Variants in DGKQ observed in about 807,000 individuals in gnomAD.
The protein encoded by DGKQ is diacylglycerol kinase theta.
In DGKQ, 97 loss-of-function variants were observed where a neutral mutation model predicts 104.2. The observed-to-expected ratio is 0.93, with a 90% confidence interval of 0.79 to 1.10. The LOEUF is 1.10. DGKQ is among the 50% of genes least tolerant of loss of function. The pLI is 0.00. For missense variants in DGKQ, 1,465 were observed against 1,352.1 expected (o/e 1.08, Z -1.31); for synonymous variants, 736 against 595.2 (o/e 1.24, Z -3.44).
At chr4:967,454 G>A in intron 8 of DGKQ, 93 bp from the exon 9 acceptor site, 2 of 1,440,930 alleles carry the variant, frequency 1.4e-6, no homozygotes, top group Non-Finnish European at 1.9e-6. Flanking sequence ...AGGTGGGTGA[G>A]GGGCGCCAGG....
Position 967,038 on chromosome 4 carries a change from C to G in DGKQ, c.1237G>C (p.Val413Leu). The change falls in exon 10 of 23, where the codon GTG (valine) becomes CTG (leucine). Residue 413 changes from valine to leucine, a missense_variant. By Grantham distance (32) the Val-to-Leu change is conservative. Transcript: ENST00000273814. ...PGWLKVGVAY[V>L]SVRVTPKSTA... ...CTCTTCGGGGTCACTCGCACGGACA[C>G]GTAGGCCACGCCCACCCTGTGGGGA... 1 of 1,559,366 alleles carries G rather than the reference C, an allele frequency of 6.4e-7. No homozygotes were observed. Among genetic ancestry groups the G allele is most frequent in the Non-Finnish European group, 8.7e-7 (1 of 1,153,022 alleles).
At position 973,384 on chromosome 4, in the gene DGKQ, G is replaced by A. The variant is rs1713097383; in HGVS notation, c.99C>T (p.Gly33=). The change falls in exon 1 of 23, where the codon GGC becomes GGT. Residue 33 remains glycine, a synonymous_variant. Transcript: ENST00000273814. ...PACSPVLGSG[G]RARPGPGPGP... ...CCGGCCCCGGCCCCGGGCGCGCGCG[G>A]CCTCCTGAGCCCAGCACGGGGCTGC... is the stretch of plus-strand genomic sequence containing the variant. 2.7e-6 allele frequency: 3 copies of A among 1,100,336 alleles called. No individual in the cohort carries two copies. The highest frequency in any genetic ancestry group is 3.3e-6 in the Non-Finnish European group (3 of 907,984). The allele number at this position is 1,100,336 out of a possible 1,614,324, so 68.2% of individuals were successfully genotyped here.
At position 971,061 on chromosome 4, in the gene DGKQ, T is replaced by A; in HGVS notation, c.283A>T (p.Met95Leu). The A allele has an allele frequency of 6.4e-7, 1 of 1,557,446 alleles. No individual in the cohort carries two copies. Among genetic ancestry groups the A allele is most frequent in the Non-Finnish European group, 8.7e-7 (1 of 1,149,984 alleles). The change falls in exon 2 of 23, where the codon ATG becomes TTG. Residue 95 changes from methionine (M) to leucine (L), a missense_variant. Coordinates refer to ENST00000273814, the MANE Select transcript of DGKQ (RefSeq NM_001347.4). This position sits in a 1 kb window ranked among gnomAD's most constrained non-coding sequence, Gnocchi z 4.0. ...TGCTTCAGGCACTTCTCATGAGACA[T>A]GAAATTGCAGACTGTGGGAATGAGC... ...AGFLCDVCNF[M>L]SHEKCLKHVR...
At chr4:969,612 CTTT>C (rs35245784) in intron 2 of DGKQ, among the ~76,000 whole-genome samples, 6 of 143,270 alleles carry the variant, frequency 4.2e-5, no homozygotes, top group East Asian at 2.1e-4. Flanking sequence ...AATATATCTC[CTTT>C]TTTTTTTTTT....
chr4:962,413 C>A lies in DGKQ; in HGVS notation c.2214+22G>T, dbSNP rs1384614898. The stretch of plus-strand genomic sequence containing the variant: ...TCATATGCAGGAGCCTGGAAGGCAC[C>A]CCACGCCGGGCTGCCCTGTACCTTG... On this transcript the variant is annotated intron_variant, in intron 18 of 22. Coordinates refer to ENST00000273814, the MANE Select transcript of DGKQ (RefSeq NM_001347.4). 3.3e-6 allele frequency: 5 copies of A among 1,536,500 alleles called. No individual in the cohort carries two copies. In the African/African-American group the frequency reaches 5.5e-5, roughly 17 times the overall value.
chr4:972,993 T>A (rs1407993595), intron 1 of DGKQ, among the ~76,000 whole-genome samples: 1 of 152,116 alleles, frequency 6.6e-6, no homozygotes, highest in East Asian at 1.9e-4. Context: ...CGCGGCACTA[T>A]GGAGATGCTG....
At chr4:961,917 G>T in intron 19 of DGKQ, 65 bp downstream of exon 19, 1 of 1,608,806 alleles carries the variant, frequency 6.2e-7, no homozygotes, top group African/African-American at 1.3e-5. Flanking sequence ...CCCTCTGCCT[G>T]TTCCTGCTGG....
chr4:968,500 G>T lies in DGKQ; in HGVS notation c.516C>A (p.His172Gln). 2 of 1,608,432 alleles carry T rather than the reference G, an allele frequency of 1.2e-6. No individual in the cohort carries two copies. The highest frequency in any genetic ancestry group is 1.7e-6 in the Non-Finnish European group (2 of 1,178,002). Residue 172 changes from histidine (H) to glutamine (Q), a missense_variant, in exon 4 of 23, where the codon CAC becomes CAA. Physicochemically the swap from His to Gln is conservative, Grantham distance 24. Transcript: ENST00000273814. ...TCACGTGATCCTGGTGCCCATCCTG[G>T]TGGCACTGGCGGCAGTCACTGCAGG... The part of the protein sequence containing the change: ...PFACSDCRQC[H>Q]QDGHQDHDTH...
intron 2 of DGKQ, among the ~76,000 whole-genome samples, chr4:969,303 G>A (rs1008379641): frequency 2.6e-5 from 4 of 152,236 alleles, no homozygotes; most frequent in East Asian, 1.9e-4. Flanking sequence ...TGGGGCAGGC[G>A]AGGCTCTGTC....
rs1387377915 is a variant in DGKQ at position 967,358 on chromosome 4, C to T, written c.991G>A (p.Ala331Thr). ...RLAGAEEVLE[A>T]ALRAHHIPED... ...GGGATGTGGTGGGCCCGCAGTGCGG[C>T]CTCCTGCAGGGCACCAGGTTAGAGG... The change falls in exon 9 of 23, where the codon GCC (alanine) becomes ACC (threonine). Residue 331 changes from alanine (A) to threonine (T), a missense_variant. Physicochemically the swap from Ala to Thr is moderately conservative, Grantham distance 58. Transcript: ENST00000273814. 4 of 1,533,640 alleles carry T rather than the reference C, an allele frequency of 2.6e-6. No individual in the cohort carries two copies. In the Admixed American group the frequency reaches 7.9e-5, roughly 30 times the overall value.
chr4:966,749 G>T lies in DGKQ; in HGVS notation c.1365C>A (p.His455Gln). Residue 455 changes from histidine to glutamine, a missense_variant and splice_region_variant, in exon 11 of 23, where the codon CAC (histidine) becomes CAA (glutamine). His to Gln is a conservative substitution (Grantham distance 24). Transcript: ENST00000273814. ...GCCCAGCACGGGCTGTCTACTCACC[G>T]TGCCTGCAGCCCATCGCCACCTCCA... is the stretch of plus-strand genomic sequence containing the variant. ...QLVEVAMGCR[H>Q]VQRTMLMDEQ... 1 of 1,607,340 alleles carries T rather than the reference G, an allele frequency of 6.2e-7. No homozygotes were observed. The highest frequency in any genetic ancestry group is 1.1e-5 in the South Asian group (1 of 89,900).
In DGKQ at chr4:968,865, T is replaced by C. The variant is rs1712695885; in HGVS notation, c.397A>G (p.Lys133Glu). ...ACCTTGCGGCAGACAGCACAGAACT[T>C]GCGCTTGTGGAGCCCCCGGGGGCCG... ...CFGPRGLHKRKFCAVCRKVLE... is the reference protein window; with the variant it reads ...CFGPRGLHKREFCAVCRKVLE... The change falls in exon 3 of 23, where the codon AAG becomes GAG. Residue 133 changes from lysine to glutamate, a missense_variant. Coordinates refer to ENST00000273814, the MANE Select transcript of DGKQ (RefSeq NM_001347.4). 1 of 1,607,006 alleles carries C rather than the reference T, an allele frequency of 6.2e-7. No homozygotes were observed. The highest frequency in any genetic ancestry group is 8.5e-7 in the Non-Finnish European group (1 of 1,176,174).
chr4:967,201 G>T lies in DGKQ; in HGVS notation c.1148C>A (p.Thr383Lys). The T allele has an allele frequency of 6.3e-7, 1 of 1,593,288 alleles. No individual in the cohort carries two copies. Reference protein sequence around the residue: ...EGRSPGSGEATPEAWVIRALP... With the variant: ...EGRSPGSGEAKPEAWVIRALP... Reference sequence around the variant, plus strand: ...AGCCCGGATGACCCAGGCCTCTGGCGTGGCCTCGCCGGACCCGGGGCTTCT... The same window carrying T: ...AGCCCGGATGACCCAGGCCTCTGGCTTGGCCTCGCCGGACCCGGGGCTTCT... The change falls in exon 9 of 23, where the codon ACG becomes AAG. Residue 383 changes from threonine (T) to lysine (K), a missense_variant. Coordinates refer to ENST00000273814, the MANE Select transcript of DGKQ (RefSeq NM_001347.4).
intron 19 of DGKQ, 62 bp from the exon 20 acceptor site, chr4:961,896 C>A (rs931855048): frequency 1.1e-5 from 18 of 1,602,458 alleles, no homozygotes; most frequent in Non-Finnish European, 1.5e-5. Flanking sequence ...AGGCAGCCTC[C>A]GGGTTCCGGC....
intron 15 of DGKQ, among the ~76,000 whole-genome samples, chr4:963,679 G>A (rs894064986): frequency 5.3e-5 from 8 of 152,258 alleles, no homozygotes; most frequent in African/African-American, 1.7e-4. Flanking sequence ...GTCCCCTGGG[G>A]GGCCTCTGGT....
At chr4:961,953 A>T (rs771287501) in intron 19 of DGKQ, 29 bp downstream of exon 19, 3 of 1,611,430 alleles carry the variant, frequency 1.9e-6, no homozygotes, top group Non-Finnish European at 8.5e-7. Flanking sequence ...TATGCCGTTG[A>T]CAGGTGGTAG....
At position 963,138 on chromosome 4, in the gene DGKQ, C is replaced by T. The variant is rs1244908815; in HGVS notation, c.1886+1G>A. 8 of 1,594,096 alleles carry T rather than the reference C, an allele frequency of 5.0e-6. No homozygotes were observed. In the South Asian group the frequency reaches 8.9e-5, roughly 18 times the overall value. On this transcript the variant is annotated splice_donor_variant, in intron 16 of 22. Transcript: ENST00000273814. LOFTEE classifies it high-confidence loss of function. Reference sequence around the variant, plus strand: ...TGGACCAGGGGTCCTGCTGGACTCACCCGGGAAGAGGACCTCCGTTGGTCA... The same window carrying T: ...TGGACCAGGGGTCCTGCTGGACTCATCCGGGAAGAGGACCTCCGTTGGTCA...
In DGKQ at chr4:968,519, C is replaced by G. The variant is rs1344643776; in HGVS notation, c.497G>C (p.Ser166Thr). Residue 166 changes from serine to threonine, a missense_variant, in exon 4 of 23, where the codon AGT becomes ACT. Coordinates refer to ENST00000273814, the MANE Select transcript of DGKQ (RefSeq NM_001347.4). ...LHPDCVPFAC[S>T]DCRQCHQDGH... The stretch of plus-strand genomic sequence containing the variant: ...ATCCTGGTGGCACTGGCGGCAGTCA[C>G]TGCAGGCGAAGGGCACACAGTCTGG... The G allele has an allele frequency of 1.2e-6, 2 of 1,609,620 alleles. No individual in the cohort carries two copies. The highest frequency in any genetic ancestry group is 1.7e-6 in the Non-Finnish European group (2 of 1,178,574).
rs752810672 is a variant in DGKQ, at chr4:966,497, G to T, written c.1397C>A (p.Pro466His). 1.9e-6 allele frequency: 3 copies of T among 1,612,600 alleles called. No individual in the cohort carries two copies. Among genetic ancestry groups the T allele is most frequent in the Non-Finnish European group, 2.5e-6 (3 of 1,179,754 alleles). ...GATGTCCTGTAGCCGGTCCAGCAGG[G>T]GCTGTTCGTCCATCAGCATCGTCCG... ...VQRTMLMDEQPLLDRLQDIRQ... is the reference protein window; with the variant it reads ...VQRTMLMDEQHLLDRLQDIRQ... The change falls in exon 12 of 23, where the codon CCC becomes CAC. Residue 466 changes from proline (P) to histidine (H), a missense_variant. Coordinates refer to ENST00000273814, the MANE Select transcript of DGKQ (RefSeq NM_001347.4).
Sources: allele counts gnomAD v4.1 joint callset (sites outside exome capture counted in the v4.1 genomes callset), GRCh38; gene constraint gnomAD v4.1.1; non-coding constraint Gnocchi (gnomAD v3.1); transcripts MANE v1.5; gene names NCBI Gene and HGNC (gene_info 2026-07-23, HGNC 2026-07-21).